Variants in HOMER2 observed in about 807,000 individuals in gnomAD.
HOMER2 encodes homer scaffold protein 2.
In HOMER2, 27 loss-of-function variants were observed where a neutral mutation model predicts 47.0. The ratio of observed to expected loss-of-function variants is 0.57; its 90% CI spans 0.42 to 0.79. The LOEUF is 0.79. HOMER2 is among the 30% of genes least tolerant of loss of function. The pLI, the probability that HOMER2 is intolerant of heterozygous loss-of-function variation, is 0.00. For missense variants in HOMER2, 443 were observed against 435.0 expected (o/e 1.02, Z -0.16); for synonymous variants, 161 against 163.8 (o/e 0.98, Z 0.13).
In HOMER2 at chr15:82,864,088, T is replaced by A. The variant is rs41314077; in HGVS notation, c.387+79A>T. ...ATGACCTATTGTCAAAATTCCCTAT[T>A]TCTGGCCAGAAGTGACAAGGAACAA... On this transcript the variant is annotated intron_variant, in intron 4 of 8. Coordinates refer to ENST00000450735, the MANE Select transcript of HOMER2 (RefSeq NM_004839.4). 193 of 863,332 alleles carry A rather than the reference T, an allele frequency of 2.2e-4. No homozygotes were observed. The East Asian group carries it at 4.9e-3, about 22-fold the overall frequency. 53.5% of individuals were successfully genotyped at this position (863,332 alleles called of 1,614,324 possible).
chr15:82,932,604 A>G (rs914720153), intron 1 of HOMER2, among the ~76,000 whole-genome samples: 1 of 152,028 alleles, frequency 6.6e-6, no homozygotes, highest in Non-Finnish European at 1.5e-5. Context: ...ACAGAGGAGT[A>G]ATTGAGGCCC....
exon 2 of HOMER2, chr15:82,839,969 T>C (rs2051160048): frequency 6.6e-6 from 1 of 152,142 alleles, no homozygotes; most frequent in Non-Finnish European, 1.5e-5. Flanking sequence ...ACTAGAAGTT[T>C]GTAAGAAATG....
At position 82,939,564 on chromosome 15, in the gene HOMER2, G is replaced by C. The variant is rs8038539; in HGVS notation, c.5+12967C>G. ...GCAAACCTGTAGTCCCAACTACTTG[G>C]GGGGCTGAGGCAGGAAGATCGCTTG... is the stretch of plus-strand genomic sequence containing the variant. On this transcript the variant is annotated intron_variant, in intron 1 of 8. Coordinates refer to ENST00000450735, the MANE Select transcript of HOMER2 (RefSeq NM_004839.4). Among the ~76,000 whole-genome samples the C allele has an allele frequency of 7.2e-5, 11 of 152,258 alleles. No individual in the cohort carries two copies. In the East Asian group the frequency reaches 1.7e-3, roughly 24 times the overall value.
At chr15:82,840,556 T>C (rs546033571) in exon 2 of HOMER2, 1 of 152,214 alleles carries the variant, frequency 6.6e-6, no homozygotes, top group East Asian at 1.9e-4. Context: ...AGGGCTCAAG[T>C]GATCCTACTG....
intron 1 of HOMER2, among the ~76,000 whole-genome samples, chr15:82,900,944 G>C (rs922198592): frequency 2.6e-5 from 4 of 152,010 alleles, no homozygotes; most frequent in African/African-American, 9.7e-5. Flanking sequence ...TTCCCTTTTT[G>C]GGTCACATTT....
downstream of HOMER2, among the ~76,000 whole-genome samples, chr15:82,836,261 C>T (rs2051125351): frequency 6.6e-6 from 1 of 152,228 alleles, no homozygotes; most frequent in Non-Finnish European, 1.5e-5. Flanking sequence ...ACAAGTGTCT[C>T]CTATTGCCCA....
chr15:82,946,167 A>C (rs778099079), intron 1 of HOMER2, among the ~76,000 whole-genome samples: 1 of 152,224 alleles, frequency 6.6e-6, no homozygotes, highest in Non-Finnish European at 1.5e-5. Flanking sequence ...CACTGAGTCT[A>C]TTCGACAAAA....
chr15:82,843,648 G>A (rs1969203), exon 2 of HOMER2: 2 of 151,416 alleles, frequency 1.3e-5, no homozygotes, highest in Non-Finnish European at 2.9e-5. Flanking sequence ...AAACCTCTTA[G>A]AAATCAATGA....
In HOMER2 at chr15:82,851,051, G is replaced by A. The variant is rs76136039; in HGVS notation, c.843+100C>T. 3,248 of 806,518 alleles carry A rather than the reference G, an allele frequency of 4.0e-3. 15 individuals carry two copies. The highest frequency in any genetic ancestry group is 5.3e-3 in the Non-Finnish European group (2,564 of 488,170). The allele number at this position is 806,518 out of a possible 1,614,324, so 50.0% of individuals were successfully genotyped here. On this transcript the variant is annotated intron_variant, in intron 8 of 8. Coordinates refer to ENST00000450735, the MANE Select transcript of HOMER2 (RefSeq NM_004839.4). ...TTGTGAATAGAAAATCTCTCCTTCA[G>A]CATTCTCAGTGTGAAAGTGATAGGA...
chr15:82,962,396 G>A (rs1249245554), intron 1 of HOMER2, among the ~76,000 whole-genome samples: 2 of 150,124 alleles, frequency 1.3e-5, no homozygotes, highest in East Asian at 2.0e-4. Context: ...ATGTCCAGAG[G>A]CCGGGCATGG....
chr15:82,892,672 G>A lies in HOMER2; in HGVS notation c.162+13C>T. On this transcript the variant is annotated intron_variant, in intron 2 of 8. Coordinates refer to ENST00000450735, the MANE Select transcript of HOMER2 (RefSeq NM_004839.4). ...GCAACTGGGAGTATTAAAATCAGCT[G>A]AGGGGGTGGTACCTTGGCTCCGTCC... The A allele has an allele frequency of 3.3e-6, 5 of 1,509,356 alleles. No individual in the cohort carries two copies. Among genetic ancestry groups the A allele is most frequent in the Non-Finnish European group, 4.5e-6 (5 of 1,113,012 alleles). The allele number at this position is 1,509,356 out of a possible 1,614,324, so 93.5% of individuals were successfully genotyped here.
intron 1 of HOMER2, chr15:82,898,423 G>A (rs1164334257): frequency 6.6e-6 from 1 of 152,214 alleles, no homozygotes; most frequent in African/African-American, 2.4e-5. Flanking sequence ...TTCCTTTGAT[G>A]TTCAATGTTC....
intron 1 of HOMER2, among the ~76,000 whole-genome samples, chr15:82,928,063 C>T (rs549086768): frequency 2.6e-5 from 4 of 152,180 alleles, no homozygotes; most frequent in Non-Finnish European, 5.9e-5. Flanking sequence ...ACTGCGGGCC[C>T]GGCCCAACTC....
intron 1 of HOMER2, among the ~76,000 whole-genome samples, chr15:82,924,360 C>CTT (rs11318640): frequency 2.3e-4 from 29 of 127,596 alleles, no homozygotes; most frequent in South Asian, 4.9e-4. Flanking sequence ...TGTGCTGGCC[C>CTT]TTTTTTTTTT....
chr15:82,897,424 C>T (rs904151986), intron 1 of HOMER2, among the ~76,000 whole-genome samples: 57 of 152,254 alleles, frequency 3.7e-4, no homozygotes, highest in African/African-American at 1.3e-3. Context: ...GTTATTCTCT[C>T]TTCCTATAAT....
At chr15:82,851,368 G>A in intron 7 of HOMER2, 137 bp from the exon 8 acceptor site, 1 of 650,268 alleles carries the variant, frequency 1.5e-6, no homozygotes, top group Non-Finnish European at 2.8e-6. Flanking sequence ...TAGTGACCAT[G>A]CGAATACTTC....
chr15:82,943,757 G>A (rs1183201700), intron 1 of HOMER2, among the ~76,000 whole-genome samples: 1 of 152,220 alleles, frequency 6.6e-6, no homozygotes, highest in East Asian at 1.9e-4. Context: ...GACTGGACTT[G>A]GCCTGCCCCT....
At chr15:82,915,410 A>G (rs371205437) in intron 1 of HOMER2, among the ~76,000 whole-genome samples, 22 of 152,274 alleles carry the variant, frequency 1.4e-4, no homozygotes, top group African/African-American at 5.1e-4. Flanking sequence ...ATCATCACAC[A>G]TCCAAAGTCT....
At chr15:82,836,906 G>T (rs1275757218), downstream of HOMER2, 1 of 152,236 alleles carries the variant, frequency 6.6e-6, no homozygotes, top group Non-Finnish European at 1.5e-5. Context: ...GAGTGCATTG[G>T]TTTTCTATTG....
Sources: gnomAD v4.1 joint callset for allele counts (sites outside exome capture counted in the v4.1 genomes callset) on GRCh38, gnomAD v4.1.1 for gene constraint, MANE v1.5 for transcripts, NCBI Gene and HGNC (gene_info 2026-07-23, HGNC 2026-07-21) for gene names.